The following SEMA5A variants were observed in gnomAD, a reference collection of about 807,000 sequenced individuals.
SEMA5A encodes semaphorin 5A, also known as semaphorin-5A.
SEMA5A carries 55 observed loss-of-function variants against 135.5 expected under a neutral mutation model. The ratio of observed to expected loss-of-function variants is 0.41; its 90% CI spans 0.33 to 0.51. SEMA5A has a LOEUF of 0.51. Among genes scored for constraint, SEMA5A ranks in the 20% least tolerant of loss-of-function variants. SEMA5A has a pLI of 0.37. For synonymous variants in SEMA5A, 580 were observed against 546.5 expected, an observed-to-expected ratio of 1.06 and a Z score of -0.85; for missense variants, 1,290 against 1,419.9, an observed-to-expected ratio of 0.91 and a Z score of 1.47.
At chr5:9,058,205 A>G (rs1249562675) in intron 18 of SEMA5A, among the ~76,000 whole-genome samples, 1 of 152,200 alleles carries the variant, frequency 6.6e-6, no homozygotes, top group African/African-American at 2.4e-5. Context: ...CTCATTCAAT[A>G]TTCCATCTCC....
intron 1 of SEMA5A, among the ~76,000 whole-genome samples, chr5:9,509,098 T>C (rs1275334671): frequency 1.3e-5 from 2 of 151,944 alleles, no homozygotes; most frequent in African/African-American, 4.8e-5. Context: ...TGGTGCTTTC[T>C]ACTACTCACC....
chr5:9,110,737 G>A (rs528261707), intron 15 of SEMA5A, among the ~76,000 whole-genome samples: 2 of 152,274 alleles, frequency 1.3e-5, no homozygotes, highest in South Asian at 2.1e-4. Flanking sequence ...ACATTTGAGC[G>A]TAGCCAATGG....
At chr5:9,114,377 G>A (rs965617185) in intron 15 of SEMA5A, among the ~76,000 whole-genome samples, 2 of 152,302 alleles carry the variant, frequency 1.3e-5, no homozygotes, top group East Asian at 3.9e-4. Flanking sequence ...TTTGGAAATA[G>A]TAGTTACGGT....
At chr5:9,534,869 T>C (rs1737669329) in intron 1 of SEMA5A, among the ~76,000 whole-genome samples, 1 of 152,176 alleles carries the variant, frequency 6.6e-6, no homozygotes, top group African/African-American at 2.4e-5. Flanking sequence ...AATTCCTCAA[T>C]AGATACTCTC....
intron 1 of SEMA5A, among the ~76,000 whole-genome samples, chr5:9,536,456 T>C (rs886688229): frequency 6.6e-6 from 1 of 151,788 alleles, no homozygotes; most frequent in Non-Finnish European, 1.5e-5. Context: ...CTACTAAAAA[T>C]ACAAAAATTA....
At chr5:9,276,684 C>T (rs1452714524) in intron 5 of SEMA5A, among the ~76,000 whole-genome samples, 2 of 152,174 alleles carry the variant, frequency 1.3e-5, no homozygotes, top group African/African-American at 4.8e-5. Context: ...TGATCTTTGA[C>T]AAACCTGCCA....
intron 8 of SEMA5A, among the ~76,000 whole-genome samples, chr5:9,219,037 A>G (rs1746786067): frequency 6.6e-6 from 1 of 152,232 alleles, no homozygotes; most frequent in Non-Finnish European, 1.5e-5. Flanking sequence ...CAGGTCAGGT[A>G]GTCAGTGATC....
Position 9,387,792 on chromosome 5 carries a change from T to C in SEMA5A, c.-77-7769A>G, listed in dbSNP as rs1273100256. 2.0e-5 allele frequency among the ~76,000 whole-genome samples: 3 copies of C among 152,236 alleles called. No homozygotes were observed. In the East Asian group the frequency reaches 5.8e-4, roughly 29 times the overall value. On this transcript the variant is annotated intron_variant, in intron 2 of 22. Transcript: ENST00000382496. ...CTTTTTCAAAAACGATAACTGAACA[T>C]TTTATTATTTGGGAAATACAGTGAA...
chr5:9,399,062 T>G (rs941190462), intron 2 of SEMA5A, among the ~76,000 whole-genome samples: 2 of 152,200 alleles, frequency 1.3e-5, no homozygotes, highest in African/African-American at 4.8e-5. Flanking sequence ...CTATAAAAAA[T>G]GAATTTCAAT....
rs975030371 is a variant in SEMA5A at position 9,041,880 on chromosome 5, T to C, written c.*1017A>G. 6.6e-6 allele frequency: 1 copy of C among 152,628 alleles called. No homozygotes were observed. Among genetic ancestry groups the C allele is most frequent in the African/African-American group, 2.4e-5 (1 of 41,434 alleles). 9.5% of individuals were successfully genotyped at this position (152,628 alleles called of 1,614,324 possible). A position where few individuals can be genotyped will look rare whatever the true frequency, so the allele number is the denominator to read the frequency against. On this transcript the variant is annotated 3_prime_UTR_variant, in exon 23 of 23. Coordinates refer to ENST00000382496, the MANE Select transcript of SEMA5A (RefSeq NM_003966.3). ...ATCAGAGAGATGAAAAATAAAATGA[T>C]TATCATTAATATCAGTTCTTTCAAT...
intron 1 of SEMA5A, among the ~76,000 whole-genome samples, chr5:9,538,033 G>A (rs1174267163): frequency 6.6e-6 from 1 of 152,176 alleles, no homozygotes; most frequent in Non-Finnish European, 1.5e-5. Context: ...GAAGCCTGTG[G>A]CAGGAGGCAG....
chr5:9,234,866 G>A (rs1016554163), intron 6 of SEMA5A, among the ~76,000 whole-genome samples: 1 of 152,178 alleles, frequency 6.6e-6, no homozygotes, highest in African/African-American at 2.4e-5. Flanking sequence ...TCAATTAAGT[G>A]TAGTAACGAT....
intron 2 of SEMA5A, among the ~76,000 whole-genome samples, chr5:9,408,226 C>G (rs146994669): frequency 1.5e-3 from 233 of 152,272 alleles, no homozygotes; most frequent in South Asian, 5.2e-3. Context: ...CTACAGCTAG[C>G]TAGAAGTCTC....
chr5:9,507,896 C>T (rs1259003788), intron 1 of SEMA5A, among the ~76,000 whole-genome samples: 2 of 151,784 alleles, frequency 1.3e-5, no homozygotes, highest in Non-Finnish European at 2.9e-5. Context: ...CCCAGCTACT[C>T]GGGAGGCTGA....
rs758173728 is a variant in SEMA5A at position 9,118,993 on chromosome 5, C to G, written c.1925+5G>C. ...GGCGGTGCTGGCAGCAGGGTGGGCACGTACCTTTCCTCGCGGTTCTGTCCC... is the reference window on the plus strand; with the variant it reads ...GGCGGTGCTGGCAGCAGGGTGGGCAGGTACCTTTCCTCGCGGTTCTGTCCC... On this transcript the variant is annotated splice_donor_5th_base_variant and intron_variant, in intron 15 of 22. Transcript: ENST00000382496. The G allele has an allele frequency of 5.0e-6, 8 of 1,612,388 alleles. No homozygotes were observed. Among genetic ancestry groups the G allele is most frequent in the East Asian group, 2.2e-5 (1 of 44,852 alleles).
chr5:9,146,918 A>G (rs1185381508), intron 12 of SEMA5A, among the ~76,000 whole-genome samples: 1 of 152,224 alleles, frequency 6.6e-6, no homozygotes, highest in Non-Finnish European at 1.5e-5. Flanking sequence ...GATAATATTT[A>G]CTTTGTAAAA....
intron 21 of SEMA5A, 85 bp from the exon 22 acceptor site, chr5:9,044,669 T>A (rs2150027771): frequency 8.5e-7 from 1 of 1,179,944 alleles, no homozygotes; most frequent in African/African-American, 1.5e-5. Flanking sequence ...AAAGAGAAAG[T>A]CAAAATGAAA....
chr5:9,531,661 C>G (rs917351374), intron 1 of SEMA5A, among the ~76,000 whole-genome samples: 5 of 152,244 alleles, frequency 3.3e-5, no homozygotes, highest in South Asian at 2.1e-4. Context: ...CCTTGAGGCA[C>G]GCTGGCAAAA....
intron 12 of SEMA5A, among the ~76,000 whole-genome samples, chr5:9,152,810 G>A (rs367626666): frequency 1.8e-4 from 28 of 152,198 alleles, no homozygotes; most frequent in Admixed American, 1.6e-3. Flanking sequence ...AGTGGCACAC[G>A]CCTGTAATCC....
Sources: allele counts gnomAD v4.1 joint callset (sites outside exome capture counted in the v4.1 genomes callset), GRCh38; gene constraint gnomAD v4.1.1; transcripts MANE v1.5; gene names NCBI Gene and HGNC (gene_info 2026-07-23, HGNC 2026-07-21).